Variants in VWA5B1 observed in about 807,000 individuals in gnomAD.
VWA5B1 encodes von Willebrand factor A domain containing 5B1, also known as von Willebrand factor A domain-containing protein 5B1.
A neutral mutation model predicts 118.2 loss-of-function variants in VWA5B1; 115 were observed. The observed-to-expected ratio is 0.97, with a 90% CI of 0.84 to 1.14. VWA5B1 has a LOEUF of 1.14. Ranked by LOEUF, VWA5B1 falls within the 50% of genes most tolerant of loss-of-function variation. The pLI, the probability that VWA5B1 is intolerant of heterozygous loss-of-function variation, is 0.00. For missense variants in VWA5B1, 1,596 were observed against 1,603.8 expected (o/e 1.00, Z 0.08); for synonymous variants, 682 against 658.4 (o/e 1.04, Z -0.55).
intron 1 of VWA5B1, among the ~76,000 whole-genome samples, chr1:20,298,581 C>G (rs556355382): frequency 6.6e-5 from 10 of 152,076 alleles, no homozygotes; most frequent in Admixed American, 2.0e-4. Context: ...TCTTTCTCAT[C>G]ATCATGAGGC....
chr1:20,335,940 A>C (rs1049578384), intron 12 of VWA5B1, among the ~76,000 whole-genome samples: 6 of 152,196 alleles, frequency 3.9e-5, no homozygotes, highest in African/African-American at 1.4e-4. Context: ...GCTTGTGTTG[A>C]TCAAGGGTGA....
intron 12 of VWA5B1, among the ~76,000 whole-genome samples, chr1:20,334,841 T>C (rs924395828): frequency 6.6e-5 from 10 of 151,998 alleles, no homozygotes; most frequent in African/African-American, 2.4e-4. Flanking sequence ...TACATAAACC[T>C]TTCAACCCAG....
chr1:20,331,002 G>A lies in VWA5B1; in HGVS notation c.1572+19G>A, dbSNP rs775606151. The A allele has an allele frequency of 7.9e-5, 121 of 1,529,052 alleles. No individual in the cohort carries two copies. Among genetic ancestry groups the A allele is most frequent in the African/African-American group, 9.7e-5 (7 of 72,504 alleles). 94.7% of individuals were successfully genotyped at this position (1,529,052 alleles called of 1,614,324 possible). A position where few individuals can be genotyped will look rare whatever the true frequency, so the allele number is the denominator to read the frequency against. On this transcript the variant is annotated intron_variant, in intron 11 of 21. Coordinates refer to ENST00000289815, the MANE Select transcript of VWA5B1 (RefSeq NM_001039500.3). ...ACCCAAGGTAGGCAGCAGAACCCAC[G>A]CAGTCCCTTCTGGTGCTGGAACCTC...
intron 1 of VWA5B1, 88 bp from the exon 2 acceptor site, chr1:20,310,484 CTGAT>C: frequency 8.1e-7 from 1 of 1,235,672 alleles, no homozygotes; most frequent in Non-Finnish European, 1.1e-6. Context: ...CAATGATGCT[CTGAT>C]TGCTTGAGGG....
At chr1:20,292,619 T>A (rs2088333434) in intron 1 of VWA5B1, among the ~76,000 whole-genome samples, 1 of 152,050 alleles carries the variant, frequency 6.6e-6, no homozygotes, top group African/African-American at 2.4e-5. Context: ...GTGCAGGGAT[T>A]TAAGAGTGCA....
In VWA5B1 at chr1:20,332,957, T is replaced by C; in HGVS notation, c.1758+6T>C. 6.4e-7 allele frequency: 1 copy of C among 1,551,634 alleles called. No homozygotes were observed. Among genetic ancestry groups the C allele is most frequent in the Non-Finnish European group, 8.7e-7 (1 of 1,146,778 alleles). The stretch of plus-strand genomic sequence containing the variant: ...ACATCTCCAATCCCAGATCTGTAAG[T>C]ATCCTAGAAATTCCACGGGTCCGTG... On this transcript the variant is annotated splice_donor_region_variant and intron_variant, in intron 12 of 21. Transcript: ENST00000289815.
At chr1:20,303,954 C>A (rs2088570819) in intron 1 of VWA5B1, among the ~76,000 whole-genome samples, 1 of 152,198 alleles carries the variant, frequency 6.6e-6, no homozygotes. Context: ...TGGCCACTTT[C>A]TGGCTGTGTG....
rs763429417 is a variant in VWA5B1, at chr1:20,323,532, G to A, written c.1143G>A (p.Lys381=). Residue 381 remains lysine, a splice_region_variant and synonymous_variant, in exon 8 of 22, where the codon AAG becomes AAA. Coordinates refer to ENST00000289815, the MANE Select transcript of VWA5B1 (RefSeq NM_001039500.3). Reference sequence around the variant, plus strand: ...GCGGGATCAGCATGCACCGAGTCAAGGTACCTGCTGAGAGAACCCCTCCCG... The same window carrying A: ...GCGGGATCAGCATGCACCGAGTCAAAGTACCTGCTGAGAGAACCCCTCCCG... ...SMSGISMHRV[K]DAMLVALKSL... 7.7e-6 allele frequency: 11 copies of A among 1,428,850 alleles called. No homozygotes were observed. Among genetic ancestry groups the A allele is most frequent in the Middle Eastern group, 1.8e-4 (1 of 5,584 alleles). 88.5% of individuals were successfully genotyped at this position (1,428,850 alleles called of 1,614,324 possible).
intron 7 of VWA5B1, chr1:20,323,124 G>T: frequency 2.7e-6 from 1 of 363,750 alleles, no homozygotes; most frequent in Non-Finnish European, 4.9e-6. Flanking sequence ...ACAGTCGGAT[G>T]GTGACAGAGC....
chr1:20,333,455 C>T (rs547006563), intron 12 of VWA5B1, among the ~76,000 whole-genome samples: 12 of 152,302 alleles, frequency 7.9e-5, no homozygotes, highest in Non-Finnish European at 1.6e-4. Context: ...CCAGCCTGGG[C>T]GACAGAGCGA....
At chr1:20,311,808 G>A (rs1416604219) in intron 2 of VWA5B1, among the ~76,000 whole-genome samples, 1 of 152,166 alleles carries the variant, frequency 6.6e-6, no homozygotes, top group African/African-American at 2.4e-5. Flanking sequence ...CTACCCAAAG[G>A]GAGCTGCAGG....
chr1:20,310,864 T>C (rs2088828753), intron 2 of VWA5B1, 124 bp downstream of exon 2: 2 of 1,317,498 alleles, frequency 1.5e-6, no homozygotes. Context: ...TGTTTCCTCA[T>C]CTATAAAATG....
In VWA5B1 at chr1:20,345,716, G is replaced by A. The variant is rs867104139; in HGVS notation, c.2764+123G>A. 8.1e-6 allele frequency: 11 copies of A among 1,358,306 alleles called. 1 individual carries two copies. In the South Asian group the frequency reaches 1.7e-4, roughly 20 times the overall value. 84.1% of individuals were successfully genotyped at this position (1,358,306 alleles called of 1,614,324 possible). On this transcript the variant is annotated intron_variant, in intron 17 of 21. Transcript: ENST00000289815. ...GAGCGGGGTGAGACAGGGCCTAGAA[G>A]CAGAAAGGCCCCCAGTGGATGATTT...
rs1044087931 is a variant in VWA5B1 at position 20,310,736 on chromosome 1, C to T, written c.135C>T (p.Phe45=). The change falls in exon 2 of 22, where the codon TTC becomes TTT. Residue 45 remains phenylalanine, a synonymous_variant. Transcript: ENST00000289815. ...LTYGNLEAQP[F]QGLFVYPLDE... is the part of the protein sequence containing the mutation. ...ATGGCAACCTGGAAGCCCAGCCCTT[C>T]CAGGGTAAGGACACCTGCTGGGGCC... The T allele has an allele frequency of 1.3e-6, 2 of 1,546,326 alleles. No homozygotes were observed. Among genetic ancestry groups the T allele is most frequent in the Non-Finnish European group, 1.7e-6 (2 of 1,144,870 alleles).
In VWA5B1 at chr1:20,318,644, C is replaced by G. The variant is rs1222989886; in HGVS notation, c.764C>G (p.Ser255Trp). 3 of 1,550,386 alleles carry G rather than the reference C, an allele frequency of 1.9e-6. No individual in the cohort carries two copies. The highest frequency in any genetic ancestry group is 3.9e-5 in the Admixed American group (2 of 50,866). Residue 255 changes from serine (S) to tryptophan (W), a missense_variant, in exon 6 of 22, where the codon TCG becomes TGG. By Grantham distance (177) the Ser-to-Trp change is radical. Transcript: ENST00000289815. ...GCCGACGCCGCCCCATCTGCCCGCT[C>G]GGCCAAGAGCATCATCATCACCTTG... ...IRADAAPSARSAKSIIITLAN... is the reference protein window; with the variant it reads ...IRADAAPSARWAKSIIITLAN...
Position 20,355,566 on chromosome 1 carries a change from T to A in VWA5B1, c.*1303T>A, listed in dbSNP as rs141223451. On this transcript the variant is annotated 3_prime_UTR_variant, in exon 22 of 22. Transcript: ENST00000289815. ...TTAATCTCTCCTCATCAAATTCCTGTCCCAACCTTGGAGTGAAGCTCCACA... is the reference window on the plus strand; with the variant it reads ...TTAATCTCTCCTCATCAAATTCCTGACCCAACCTTGGAGTGAAGCTCCACA... 1.1e-4 allele frequency among the ~76,000 whole-genome samples: 16 copies of A among 152,300 alleles called. No homozygotes were observed. In the East Asian group the frequency reaches 3.1e-3, roughly 30 times the overall value.
intron 19 of VWA5B1, among the ~76,000 whole-genome samples, chr1:20,350,467 G>A (rs1249479192): frequency 6.6e-6 from 1 of 152,174 alleles, no homozygotes. Context: ...CCTGGATCAG[G>A]CCTCCTAGTT....
chr1:20,352,488 C>G (rs759093182), intron 21 of VWA5B1, among the ~76,000 whole-genome samples: 1 of 152,214 alleles, frequency 6.6e-6, no homozygotes, highest in Non-Finnish European at 1.5e-5. Flanking sequence ...CTACTCCACG[C>G]ATCTATGTGT....
intron 1 of VWA5B1, among the ~76,000 whole-genome samples, chr1:20,302,180 G>T (rs2088520679): frequency 6.6e-6 from 1 of 152,018 alleles, no homozygotes; most frequent in South Asian, 2.1e-4. Context: ...GGTCTCTCAG[G>T]CAGTGTGAGG....
Sources: gnomAD v4.1 joint callset for allele counts (sites outside exome capture counted in the v4.1 genomes callset) on GRCh38, gnomAD v4.1.1 for gene constraint, MANE v1.5 for transcripts, NCBI Gene and HGNC (gene_info 2026-07-23, HGNC 2026-07-21) for gene names.